The following SLCO2B1 variants were observed in gnomAD, a reference collection of about 807,000 sequenced individuals.
SLCO2B1 encodes the protein solute carrier organic anion transporter family member 2B1.
Under a neutral mutation model 67.3 loss-of-function variants are expected in SLCO2B1, and 41 were observed. The ratio of observed to expected loss-of-function variants is 0.61; its 90% CI spans 0.47 to 0.79. The LOEUF is 0.79. Among genes scored for constraint, SLCO2B1 ranks in the 30% least tolerant of loss-of-function variants. The pLI, the probability that SLCO2B1 is intolerant of heterozygous loss-of-function variation, is 0.00. For missense variants in SLCO2B1, 837 were observed against 920.1 expected, an observed-to-expected ratio of 0.91 and a Z score of 1.17; for synonymous variants, 379 against 381.4, an observed-to-expected ratio of 0.99 and a Z score of 0.07.
intron 7 of SLCO2B1, among the ~76,000 whole-genome samples, chr11:75,180,206 G>C (rs372045288): frequency 6.6e-6 from 1 of 150,874 alleles, no homozygotes; most frequent in Non-Finnish European, 1.5e-5. Context: ...TAGTAGAGAC[G>C]GGGTTTCGCC....
intron 4 of SLCO2B1, among the ~76,000 whole-genome samples, chr11:75,167,671 G>C (rs929393538): frequency 3.3e-5 from 5 of 152,136 alleles, no homozygotes; most frequent in African/African-American, 1.2e-4. Flanking sequence ...CTAACGTCTA[G>C]TAGGCCCCAT....
chr11:75,202,924 C>T lies in SLCO2B1; in HGVS notation c.1787C>T (p.Thr596Ile). 1.2e-6 allele frequency: 2 copies of T among 1,613,982 alleles called. No homozygotes were observed. The highest frequency in any genetic ancestry group is 1.7e-6 in the Non-Finnish European group (2 of 1,179,992). ...AGAGGAGTGAAGAAAGAAGACAAGA[C>T]TTTGGCTGTGGGCATCCAGTTCATG... is the stretch of plus-strand genomic sequence containing the variant. ...ILRGVKKEDK[T>I]LAVGIQFMFL... Residue 596 changes from threonine to isoleucine, a missense_variant, in exon 12 of 14, where the codon ACT becomes ATT. Thr to Ile is a moderately conservative substitution (Grantham distance 89). Transcript: ENST00000289575.
chr11:75,169,196 G>T lies in SLCO2B1; in HGVS notation c.472G>T (p.Ala158Ser). The T allele has an allele frequency of 5.0e-6, 8 of 1,613,708 alleles. No individual in the cohort carries two copies. The highest frequency in any genetic ancestry group is 6.8e-6 in the Non-Finnish European group (8 of 1,179,696). ...AGAGGATATGCCACAGGACTTCAAG[G>T]CTTCCCTGTGCCTGCCCACAACCTC... ...SPEDMPQDFKASLCLPTTSAP... is the reference protein window; with the variant it reads ...SPEDMPQDFKSSLCLPTTSAP... Residue 158 changes from alanine (A) to serine (S), a missense_variant, in exon 5 of 14, where the codon GCT becomes TCT. Ala to Ser is a moderately conservative substitution (Grantham distance 99, BLOSUM62 1). Transcript: ENST00000289575.
intron 7 of SLCO2B1, among the ~76,000 whole-genome samples, chr11:75,175,065 C>T (rs1950007117): frequency 6.6e-6 from 1 of 152,138 alleles, no homozygotes; most frequent in African/African-American, 2.4e-5. Flanking sequence ...GCTTTGAAAC[C>T]CTGGCTCCCC....
rs777023532 is a variant in SLCO2B1, at chr11:75,164,004, C to G, written c.189C>G (p.Leu63=). Residue 63 remains leucine (L), a synonymous_variant, in exon 3 of 14, where the codon CTC becomes CTG. Transcript: ENST00000289575. ...LCHSLLQLAQ[L]MISGYLKSSI... is the part of the protein sequence containing the mutation. ...ACAGCCTGCTGCAGCTGGCGCAGCT[C>G]ATGATCTCCGGCTACCTAAAGAGCT... 11 of 1,605,500 alleles carry G rather than the reference C, an allele frequency of 6.9e-6. No individual in the cohort carries two copies. In the South Asian group the frequency reaches 9.0e-5, roughly 13 times the overall value.
chr11:75,186,062 C>T lies in SLCO2B1; in HGVS notation c.973-2074C>T, dbSNP rs1171221215. On this transcript the variant is annotated intron_variant, in intron 7 of 13. Coordinates refer to ENST00000289575, the MANE Select transcript of SLCO2B1 (RefSeq NM_007256.5). ...TTCTGGGAATGCAGCCCAGCAAGTC[C>T]CAGCCTCATTTTCCTACCCCTCAGT... Among the ~76,000 whole-genome samples the T allele has an allele frequency of 2.0e-5, 3 of 152,148 alleles. No homozygotes were observed. The East Asian group carries it at 5.8e-4, about 29-fold the overall frequency.
chr11:75,199,417 C>G (rs1350212805), intron 10 of SLCO2B1: 2 of 152,402 alleles, frequency 1.3e-5, no homozygotes, highest in African/African-American at 4.8e-5. Context: ...TGGCCTGCCT[C>G]CCCGATCTGG....
intron 7 of SLCO2B1, among the ~76,000 whole-genome samples, chr11:75,185,117 C>T (rs1950133683): frequency 6.6e-6 from 1 of 152,158 alleles, no homozygotes; most frequent in East Asian, 1.9e-4. Flanking sequence ...TTGAGCCAGC[C>T]AGCATCAGGA....
chr11:75,163,658 C>T (rs1949850798), intron 2 of SLCO2B1, among the ~76,000 whole-genome samples: 1 of 152,040 alleles, frequency 6.6e-6, no homozygotes, highest in Non-Finnish European at 1.5e-5. Flanking sequence ...GGAGTGTACC[C>T]AGGATAGCTT....
chr11:75,165,757 A>G (rs1179686307), intron 3 of SLCO2B1, 30 bp from the exon 4 acceptor site: 1 of 1,612,270 alleles, frequency 6.2e-7, no homozygotes, highest in African/African-American at 1.3e-5. Context: ...GAACTGTTCC[A>G]CCTTAATGGG....
In SLCO2B1 at chr11:75,204,368, CTT is replaced by C. The variant is rs549805372; in HGVS notation, c.1950-31_1950-30del. On this transcript the variant is annotated intron_variant, in intron 13 of 13. Transcript: ENST00000289575. ...ACGTCCATGCCCTGGCCTGGCAGCT[CTT>C]GAGTTCAAGGGTCCCCATTCTTTCC... 265 of 1,563,930 alleles carry C rather than the reference CTT, an allele frequency of 1.7e-4. No homozygotes were observed. The African/African-American group carries it at 3.1e-3, about 18-fold the overall frequency.
chr11:75,164,682 G>A (rs1949865923), intron 3 of SLCO2B1, among the ~76,000 whole-genome samples: 2 of 152,076 alleles, frequency 1.3e-5, no homozygotes, highest in African/African-American at 2.4e-5. Flanking sequence ...TTACCCTGAA[G>A]GAAGTTGTCT....
intron 4 of SLCO2B1, 56 bp downstream of exon 4, chr11:75,166,005 G>A (rs1279609423): frequency 2.0e-5 from 31 of 1,559,216 alleles, no homozygotes; most frequent in South Asian, 1.6e-4. Flanking sequence ...ATTGCTTTGC[G>A]CTGGGGCCCA....
At chr11:75,198,463 A>G (rs1026881893) in intron 10 of SLCO2B1, among the ~76,000 whole-genome samples, 2 of 152,238 alleles carry the variant, frequency 1.3e-5, no homozygotes, top group Non-Finnish European at 2.9e-5. Flanking sequence ...AGGCAATTTT[A>G]AATACTCAGT....
intron 7 of SLCO2B1, among the ~76,000 whole-genome samples, chr11:75,186,770 T>C (rs200734793): frequency 1.3e-5 from 2 of 152,224 alleles, no homozygotes; most frequent in East Asian, 3.8e-4. Context: ...CCTGTGCCCA[T>C]AGCAACTTCT....
At chr11:75,151,444 G>A (rs1456565852) in intron 1 of SLCO2B1, 47 bp downstream of exon 1, 2 of 1,607,012 alleles carry the variant, frequency 1.2e-6, no homozygotes, top group Non-Finnish European at 1.7e-6. Context: ...CAAGCCTGGG[G>A]GACATGTTCC....
chr11:75,180,994 C>T (rs1291967394), intron 7 of SLCO2B1, among the ~76,000 whole-genome samples: 2 of 152,134 alleles, frequency 1.3e-5, no homozygotes, highest in African/African-American at 4.8e-5. Context: ...TCAGTTGATA[C>T]CATTGAGCCA....
At chr11:75,186,887 G>T (rs1315372662) in intron 7 of SLCO2B1, among the ~76,000 whole-genome samples, 2 of 152,262 alleles carry the variant, frequency 1.3e-5, no homozygotes, top group East Asian at 3.9e-4. Flanking sequence ...CCTTGGCCTT[G>T]GTTGCCCCCT....
intron 12 of SLCO2B1, 78 bp from the exon 13 acceptor site, chr11:75,203,227 CCT>C: frequency 6.4e-7 from 1 of 1,559,340 alleles, no homozygotes; most frequent in Non-Finnish European, 8.7e-7. Context: ...ACCCAGAGCC[CCT>C]GAGGGGTTGT....
Sources: gnomAD v4.1 joint callset for allele counts (sites outside exome capture counted in the v4.1 genomes callset) on GRCh38, gnomAD v4.1.1 for gene constraint, MANE v1.5 for transcripts, NCBI Gene and HGNC (gene_info 2026-07-23, HGNC 2026-07-21) for gene names.